Variants in SLC48A1 observed in about 807,000 individuals in gnomAD.
SLC48A1 encodes the protein heme transporter HRG1.
A neutral mutation model predicts 14.8 loss-of-function variants in SLC48A1; 6 were observed. The ratio of observed to expected loss-of-function variants is 0.41; its 90% CI spans 0.22 to 0.80. SLC48A1 has a LOEUF of 0.80. Ranked by LOEUF, SLC48A1 falls within the 30% of genes least tolerant of loss-of-function variation. The probability of loss-of-function intolerance (pLI) is 0.34; values close to 1 mark genes in which losing one functional copy is unlikely to be tolerated. For synonymous variants in SLC48A1, 89 were observed against 90.0 expected, an observed-to-expected ratio of 0.99 and a Z score of 0.06; for missense variants, 165 against 204.8, an observed-to-expected ratio of 0.81 and a Z score of 1.19.
At chr12:47,766,266 C>T (rs1232377441) in intron 2 of SLC48A1, among the ~76,000 whole-genome samples, 1 of 152,130 alleles carries the variant, frequency 6.6e-6, no homozygotes, top group Non-Finnish European at 1.5e-5. Flanking sequence ...TTGATGAACC[C>T]CTCTGCCAGG....
upstream of SLC48A1, chr12:47,758,205 C>T: frequency 6.9e-7 from 1 of 1,440,444 alleles, no homozygotes; most frequent in East Asian, 2.5e-5. Flanking sequence ...GGTGCTGCAA[C>T]CCTGCCAGGA....
intron 1 of SLC48A1, chr12:47,760,204 C>A: frequency 2.0e-6 from 2 of 985,446 alleles, no homozygotes; most frequent in Non-Finnish European, 2.4e-6. Flanking sequence ...GTATTTGGAA[C>A]AAACACCCCA....
chr12:47,780,400 C>T lies in SLC48A1; in HGVS notation c.*119C>T, dbSNP rs1187831584. 6.8e-7 allele frequency: 1 copy of T among 1,478,636 alleles called. No individual in the cohort carries two copies. The highest frequency in any genetic ancestry group is 9.5e-7 in the Non-Finnish European group (1 of 1,057,260). 91.6% of individuals were successfully genotyped at this position (1,478,636 alleles called of 1,614,324 possible). ...CCCCAGAACTGTGGCAGAAAATACA[C>T]AGCAGGACGAGTGTGGTCTCCCAGG... On this transcript the variant is annotated 3_prime_UTR_variant, in exon 3 of 3. Transcript: ENST00000442218.
At chr12:47,754,594 A>G (rs1941945483), upstream of SLC48A1, among the ~76,000 whole-genome samples, 1 of 152,202 alleles carries the variant, frequency 6.6e-6, no homozygotes. Context: ...TATGAATAGT[A>G]CCTATCACAA....
upstream of SLC48A1, among the ~76,000 whole-genome samples, chr12:47,756,842 A>G (rs992668995): frequency 6.6e-6 from 1 of 151,966 alleles, no homozygotes; most frequent in Admixed American, 6.6e-5. Flanking sequence ...GGTGGCGCAC[A>G]CCTGTAGCCC....
Position 47,781,614 on chromosome 12 carries a change from CT to C in SLC48A1, c.*1336del. 6.5e-6 allele frequency: 1 copy of C among 152,904 alleles called. No individual in the cohort carries two copies. Among genetic ancestry groups the C allele is most frequent in the East Asian group, 1.9e-4 (1 of 5,188 alleles). 9.5% of individuals were successfully genotyped at this position (152,904 alleles called of 1,614,324 possible). On this transcript the variant is annotated 3_prime_UTR_variant, in exon 3 of 3. Coordinates refer to ENST00000442218, the MANE Select transcript of SLC48A1 (RefSeq NM_017842.3). The stretch of plus-strand genomic sequence containing the variant: ...ATCTGATGTGTCCTGCCCCTCAGCT[CT>C]TTGCCTTATCTGTGTCACTGTCACT...
intron 1 of SLC48A1, chr12:47,760,209 A>C: frequency 1.0e-6 from 1 of 985,400 alleles, no homozygotes; most frequent in Non-Finnish European, 1.2e-6. Context: ...TGGAACAAAC[A>C]CCCCAGGTCA....
At position 47,780,528 on chromosome 12, in the gene SLC48A1, T is replaced by C; in HGVS notation, c.*247T>C. ...CCTGGCCAGAGGGCAGCTTTAGACC[T>C]TTTCAAATGAATCTGTTTTCTTTTC... On this transcript the variant is annotated 3_prime_UTR_variant, in exon 3 of 3. Coordinates refer to ENST00000442218, the MANE Select transcript of SLC48A1 (RefSeq NM_017842.3). 3 of 751,712 alleles carry C rather than the reference T, an allele frequency of 4.0e-6. No individual in the cohort carries two copies. The highest frequency in any genetic ancestry group is 5.0e-6 in the Non-Finnish European group (2 of 402,286). The allele number at this position is 751,712 out of a possible 1,614,324, so 46.6% of individuals were successfully genotyped here.
At chr12:47,766,469 G>T (rs12815462) in intron 2 of SLC48A1, among the ~76,000 whole-genome samples, 3 of 152,006 alleles carry the variant, frequency 2.0e-5, no homozygotes, top group Admixed American at 6.5e-5. Context: ...TATCCACCCC[G>T]CCCTCCCCAT....
intron 2 of SLC48A1, among the ~76,000 whole-genome samples, chr12:47,761,222 G>C (rs1592594039): frequency 6.6e-6 from 1 of 151,666 alleles, no homozygotes; most frequent in Non-Finnish European, 1.5e-5. Context: ...AGGCAGGGGG[G>C]AAATCGAATA....
At chr12:47,759,954 TGAG>T (rs1294572700) in intron 1 of SLC48A1, among the ~76,000 whole-genome samples, 2 of 151,994 alleles carry the variant, frequency 1.3e-5, no homozygotes, top group African/African-American at 2.4e-5. Context: ...TTCTTGAAAG[TGAG>T]GAGAAGACTG....
At chr12:47,754,917 C>G (rs73105873), upstream of SLC48A1, among the ~76,000 whole-genome samples, 2 of 152,164 alleles carry the variant, frequency 1.3e-5, no homozygotes, top group Non-Finnish European at 2.9e-5. Context: ...GTGGCCTGCC[C>G]CACCCTCACT....
At position 47,777,122 on chromosome 12, in the gene SLC48A1, G is replaced by A. The variant is rs532345190; in HGVS notation, c.137-1906G>A. 1.1e-4 allele frequency among the ~76,000 whole-genome samples: 17 copies of A among 152,216 alleles called. No homozygotes were observed. Among genetic ancestry groups the A allele is most frequent in the Non-Finnish European group, 2.4e-4 (16 of 68,038 alleles). On this transcript the variant is annotated intron_variant, in intron 1 of 2. Transcript: ENST00000442218. The surrounding 1 kb of genome is among the most constrained non-coding windows in gnomAD (Gnocchi z 4.5). ...TGAAAACATGGGACACATGTGAGGA[G>A]TGGGAGGGACTTCTGTGAAAGGTGG...
At chr12:47,759,524 C>T (rs1298739530) in intron 1 of SLC48A1, among the ~76,000 whole-genome samples, 1 of 72,778 alleles carries the variant, frequency 1.4e-5, no homozygotes, top group African/African-American at 5.5e-5. Context: ...TGTGGCAGAG[C>T]TTCCAGGGGA....
At chr12:47,768,969 G>GTCCAGTGA (rs1942572333), upstream of SLC48A1, 1 of 152,226 alleles carries the variant, frequency 6.6e-6, no homozygotes. Context: ...TGAGGGTCTA[G>GTCCAGTGA]GGGACAGGGG....
At chr12:47,771,932 CA>C (rs372095423), upstream of SLC48A1, among the ~76,000 whole-genome samples, 23,501 of 124,920 alleles carry the variant, frequency 0.19, 1,889 homozygotes, top group Non-Finnish European at 0.21. Context: ...GACTCCGTCT[CA>C]AAAAAAAAAA....
intron 2 of SLC48A1, among the ~76,000 whole-genome samples, chr12:47,764,484 CGA>C: frequency 6.6e-6 from 1 of 152,198 alleles, no homozygotes; most frequent in Non-Finnish European, 1.5e-5. Context: ...TTGGTAGGGG[CGA>C]CTGCAGGAGC....
chr12:47,757,630 C>T (rs1394821759), upstream of SLC48A1, among the ~76,000 whole-genome samples: 2 of 152,196 alleles, frequency 1.3e-5, no homozygotes, highest in Non-Finnish European at 2.9e-5. Flanking sequence ...TCCCCTTCCC[C>T]CCATGCCCAA....
upstream of SLC48A1, chr12:47,769,674 T>G: frequency 6.6e-6 from 1 of 152,192 alleles, no homozygotes; most frequent in Non-Finnish European, 1.5e-5. Context: ...TGAATTACTG[T>G]GTTGAGCACT....
Sources: allele counts gnomAD v4.1 joint callset (sites outside exome capture counted in the v4.1 genomes callset), GRCh38; gene constraint gnomAD v4.1.1; non-coding constraint Gnocchi (gnomAD v3.1); transcripts MANE v1.5; gene names NCBI Gene and HGNC (gene_info 2026-07-23, HGNC 2026-07-21).